Variants in GALNT9 observed in about 807,000 individuals in gnomAD.
GALNT9 encodes polypeptide N-acetylgalactosaminyltransferase 9, also known as GalNAc transferase 9.
A neutral mutation model predicts 63.1 loss-of-function variants in GALNT9; 47 were observed. The observed-to-expected ratio is 0.75, with a 90% CI of 0.59 to 0.95. The LOEUF (loss-of-function observed/expected upper bound fraction) is 0.95. Ranked by LOEUF, GALNT9 falls within the 40% of genes least tolerant of loss-of-function variation. GALNT9 has a pLI of 0.00. For missense variants in GALNT9, 829 were observed against 874.8 expected, an observed-to-expected ratio of 0.95 and a Z score of 0.66; for synonymous variants, 396 against 365.7, an observed-to-expected ratio of 1.08 and a Z score of -0.94.
chr12:132,228,074 C>A (rs1203113852), intron 6 of GALNT9, among the ~76,000 whole-genome samples: 2 of 152,078 alleles, frequency 1.3e-5, no homozygotes, highest in East Asian at 3.9e-4. Context: ...GGTGAGGACG[C>A]CATGTGCCGC....
At chr12:132,213,118 CTCGACACGGAAACCCCACCCGG>C (rs1877026163) in intron 6 of GALNT9, among the ~76,000 whole-genome samples, 1 of 42,986 alleles carries the variant, frequency 2.3e-5, no homozygotes, top group Non-Finnish European at 4.8e-5. Context: ...GCCTTCAGAC[CTCGACACGGAAACCCCACCCGG>C]GTCTGCAGCC....
At chr12:132,328,811 G>A (rs1297999296) in intron 1 of GALNT9, among the ~76,000 whole-genome samples, 155 bp downstream of exon 1, 1 of 152,220 alleles carries the variant, frequency 6.6e-6, no homozygotes, top group Non-Finnish European at 1.5e-5. Context: ...CTGCTGAAGG[G>A]GCTTCCGCGG....
chr12:132,298,505 C>T (rs1881158873), intron 1 of GALNT9, among the ~76,000 whole-genome samples: 2 of 151,228 alleles, frequency 1.3e-5, no homozygotes, highest in Admixed American at 1.3e-4. Context: ...ATAACTCACT[C>T]CCATAACTAA....
At chr12:132,305,355 ACACCCTCACCCG>A (rs1881553364) in intron 1 of GALNT9, among the ~76,000 whole-genome samples, 1 of 38,376 alleles carries the variant, frequency 2.6e-5, no homozygotes. Flanking sequence ...TCACCCGGGC[ACACCCTCACCCG>A]GGCACACCCT....
intron 1 of GALNT9, among the ~76,000 whole-genome samples, chr12:132,302,471 C>G (rs1881335125): frequency 6.6e-6 from 1 of 152,218 alleles, no homozygotes; most frequent in South Asian, 2.1e-4. Flanking sequence ...TTGATGGCTG[C>G]AAACATAAAA....
intron 5 of GALNT9, among the ~76,000 whole-genome samples, chr12:132,249,178 T>C (rs1878819832): frequency 6.6e-6 from 1 of 152,190 alleles, no homozygotes; most frequent in Non-Finnish European, 1.5e-5. Context: ...TCAAAACAAT[T>C]TCCTTGTCCG....
At chr12:132,320,731 C>G (rs1868745895) in intron 1 of GALNT9, among the ~76,000 whole-genome samples, 1 of 95,680 alleles carries the variant, frequency 1.0e-5, no homozygotes, top group African/African-American at 4.0e-5. Context: ...GGCCTCCGCC[C>G]CCACCAGGTG....
At chr12:132,264,281 G>A (rs1323206147) in intron 2 of GALNT9, among the ~76,000 whole-genome samples, 1 of 152,248 alleles carries the variant, frequency 6.6e-6, no homozygotes, top group Non-Finnish European at 1.5e-5. Context: ...ACGCGGAGAA[G>A]CGTGTGAGGA....
intron 1 of GALNT9, among the ~76,000 whole-genome samples, chr12:132,320,929 G>A (rs1376996144): frequency 3.9e-5 from 6 of 152,204 alleles, no homozygotes; most frequent in East Asian, 1.9e-4. Flanking sequence ...TCGTGTGACC[G>A]GCCCACAGTC....
intron 6 of GALNT9, among the ~76,000 whole-genome samples, chr12:132,215,041 G>A (rs1276349909): frequency 1.3e-5 from 2 of 152,254 alleles, no homozygotes; most frequent in African/African-American, 4.8e-5. Flanking sequence ...GTGCTGACTG[G>A]CCTGTCAGCG....
intron 6 of GALNT9, 85 bp downstream of exon 6, chr12:132,247,825 C>T (rs28488265): frequency 1.0e-5 from 16 of 1,531,260 alleles, no homozygotes; most frequent in Admixed American, 9.9e-5. Context: ...CCGGACACCG[C>T]GGCCTCACTC....
chr12:132,305,430 C>G, intron 1 of GALNT9, among the ~76,000 whole-genome samples: 1 of 75,788 alleles, frequency 1.3e-5, no homozygotes, highest in Non-Finnish European at 2.4e-5. Flanking sequence ...CACCCTCACC[C>G]GGGCACAGAA....
rs571249960 is a variant in GALNT9, at chr12:132,203,775, G to GGGCCCGGCCCTCTGTTCCTGGGGC, written c.1078-109_1078-86dup. Reference sequence around the variant, plus strand: ...AGCTAGGGGCCCGTGAGAGGCCAAGGGGCCCGGCCCTCTGTTCCTGGGGCA... The same window carrying GGGCCCGGCCCTCTGTTCCTGGGGC: ...AGCTAGGGGCCCGTGAGAGGCCAAGGGGCCCGGCCCTCTGTTCCTGGGGCGGCCCGGCCCTCTGTTCCTGGGGCA... On this transcript the variant is annotated intron_variant, in intron 6 of 10. Transcript: ENST00000328957. The GGGCCCGGCCCTCTGTTCCTGGGGC allele has an allele frequency of 5.4e-3, 7,889 of 1,454,290 alleles. 414 individuals are homozygous for GGGCCCGGCCCTCTGTTCCTGGGGC. In the African/African-American group the frequency reaches 0.1, roughly 19 times the overall value. The allele number at this position is 1,454,290 out of a possible 1,614,324, so 90.1% of individuals were successfully genotyped here.
rs1446352886 is a variant in GALNT9 at position 132,316,655 on chromosome 12, C to T, written c.238+12311G>A. On this transcript the variant is annotated intron_variant, in intron 1 of 10. Coordinates refer to ENST00000328957, the MANE Select transcript of GALNT9 (RefSeq NM_001122636.2). The surrounding 1 kb of genome is among the most constrained non-coding windows in gnomAD (Gnocchi z 4.3). ...TCTTTCCTCCGCTTCAGCAAATTCCCCCGTGCTCTGTGTAGTCCCTCAGCC... is the reference window on the plus strand; with the variant it reads ...TCTTTCCTCCGCTTCAGCAAATTCCTCCGTGCTCTGTGTAGTCCCTCAGCC... Among the ~76,000 whole-genome samples the T allele has an allele frequency of 6.6e-6, 1 of 152,024 alleles. No individual in the cohort carries two copies. Among genetic ancestry groups the T allele is most frequent in the Non-Finnish European group, 1.5e-5 (1 of 67,978 alleles).
At chr12:132,201,371 C>CT in intron 7 of GALNT9, 110 bp from the exon 8 acceptor site, 1 of 686,592 alleles carries the variant, frequency 1.5e-6, no homozygotes, top group African/African-American at 1.8e-5. Flanking sequence ...CAGGAGCAGC[C>CT]TCCCCCCCAG....
chr12:132,200,295 C>T (rs1875933891), intron 8 of GALNT9: 1 of 152,312 alleles, frequency 6.6e-6, no homozygotes, highest in South Asian at 2.1e-4. Context: ...CCTGCACAGA[C>T]TGGGGAGAGG....
chr12:132,288,661 G>A (rs1157071157), intron 1 of GALNT9, among the ~76,000 whole-genome samples: 2 of 151,950 alleles, frequency 1.3e-5, no homozygotes, highest in African/African-American at 2.4e-5. Flanking sequence ...CGTGGTTCCG[G>A]ACGGCTGCCC....
chr12:132,202,135 C>G (rs140700119), intron 7 of GALNT9, among the ~76,000 whole-genome samples: 8 of 152,350 alleles, frequency 5.3e-5, no homozygotes, highest in Non-Finnish European at 1.0e-4. Context: ...GCCAGAAACT[C>G]ATTGTTGCTC....
At position 132,286,429 on chromosome 12, in the gene GALNT9, G is replaced by C. The variant is rs74957274; in HGVS notation, c.240C>G (p.Gly80=). The C allele has an allele frequency of 0.014, 21,597 of 1,548,608 alleles. 188 individuals carry two copies. The highest frequency in any genetic ancestry group is 0.019 in the Middle Eastern group (108 of 5,636). Residue 80 remains glycine, a splice_region_variant and synonymous_variant, in exon 2 of 11, where the codon GGC becomes GGG. Transcript: ENST00000328957. This position sits in a 1 kb window ranked among gnomAD's most constrained non-coding sequence, Gnocchi z 7.4. ...CCACCAGGCCGATGGGCTTGGCAAG[G>C]CCTGGGGGAAAGGAAGAGAGGGAGG... ...LEEVVYNQLN[G]LAKPIGLVEG... is the part of the protein sequence containing the mutation.
Sources: gnomAD v4.1 joint callset for allele counts (sites outside exome capture counted in the v4.1 genomes callset) on GRCh38, gnomAD v4.1.1 for gene constraint, Gnocchi (gnomAD v3.1) non-coding constraint, MANE v1.5 for transcripts, NCBI Gene and HGNC (gene_info 2026-07-23, HGNC 2026-07-21) for gene names.